Variants in ANKRD11 observed in about 807,000 individuals in gnomAD.
The protein encoded by ANKRD11 is ankyrin repeat domain 11.
A neutral mutation model predicts 195.7 loss-of-function variants in ANKRD11; 17 were observed. That is an observed-to-expected ratio of 0.09 (90% CI 0.06 to 0.13). The LOEUF (loss-of-function observed/expected upper bound fraction) is 0.13, where lower values mean the gene tolerates loss of function less well. ANKRD11 is among the 10% of genes least tolerant of loss of function. The pLI is 1.00. For missense variants in ANKRD11, 3,735 were observed against 3,566.1 expected (o/e 1.05, Z -1.21); for synonymous variants, 1,953 against 1,528.1 (o/e 1.28, Z -6.49).
intron 2 of ANKRD11, among the ~76,000 whole-genome samples, chr16:89,354,511 C>T (rs1341075417): frequency 6.6e-6 from 1 of 152,204 alleles, no homozygotes; most frequent in African/African-American, 2.4e-5. Context: ...GTGCCCAGCA[C>T]CTGCTCTTGA....
intron 2 of ANKRD11, among the ~76,000 whole-genome samples, chr16:89,346,848 C>T (rs2038963597): frequency 6.6e-6 from 1 of 152,158 alleles, no homozygotes; most frequent in Non-Finnish European, 1.5e-5. Flanking sequence ...AATGTACAAA[C>T]ATAAACGAAA....
intron 2 of ANKRD11, among the ~76,000 whole-genome samples, chr16:89,359,852 A>C (rs1216926038): frequency 6.6e-6 from 1 of 152,178 alleles, no homozygotes; most frequent in Non-Finnish European, 1.5e-5. Context: ...AACCCTAAGA[A>C]CAGAGAGTGC....
In ANKRD11 at chr16:89,291,069, C is replaced by T; in HGVS notation, c.341G>A (p.Arg114His). The T allele has an allele frequency of 1.2e-6, 2 of 1,613,438 alleles. No homozygotes were observed. Among genetic ancestry groups the T allele is most frequent in the Non-Finnish European group, 8.5e-7 (1 of 1,179,886 alleles). ...CTGCATGAGAAGGGCCACCTGCTGG[C>T]GCTCGGAGAGGGGGTAGCCGGCTCG... Reference protein sequence around the residue: ...GIRAGYPLSERQQVALLMQMT... With the variant: ...GIRAGYPLSEHQQVALLMQMT... Residue 114 changes from arginine to histidine, a missense_variant, in exon 5 of 13, where the codon CGC becomes CAC. Physicochemically the swap from Arg to His is conservative, Grantham distance 29. Transcript: ENST00000301030. The surrounding 1 kb of genome is among the most constrained non-coding windows in gnomAD (Gnocchi z 5.3).
chr16:89,268,691 G>T, intron 12 of ANKRD11, 28 bp from the exon 13 acceptor site: 1 of 1,565,932 alleles, frequency 6.4e-7, no homozygotes, highest in East Asian at 2.3e-5. Context: ...GGGAGAGGAG[G>T]GAGGAGGAGT....
intron 3 of ANKRD11, among the ~76,000 whole-genome samples, chr16:89,305,654 C>G: frequency 6.6e-6 from 1 of 150,964 alleles, no homozygotes; most frequent in East Asian, 1.9e-4. Context: ...TCTCACTCCG[C>G]AGACACGCGC....
intron 2 of ANKRD11, among the ~76,000 whole-genome samples, chr16:89,396,342 A>C (rs1278904280): frequency 6.6e-6 from 1 of 152,180 alleles, no homozygotes; most frequent in Non-Finnish European, 1.5e-5. Flanking sequence ...ATGTGGACAC[A>C]CAGGCACACT....
intron 3 of ANKRD11, among the ~76,000 whole-genome samples, chr16:89,312,188 G>T (rs748860453): frequency 5.9e-5 from 9 of 152,194 alleles, no homozygotes; most frequent in African/African-American, 2.2e-4. Context: ...GTGAGCCACC[G>T]CACCTGGCCA....
chr16:89,372,375 G>A (rs541737698), intron 2 of ANKRD11, among the ~76,000 whole-genome samples: 104 of 152,248 alleles, frequency 6.8e-4, no homozygotes, highest in Admixed American at 6.4e-3. Flanking sequence ...CCCGAGTCAC[G>A]GAGCCCCATG....
chr16:89,423,991 G>A (rs1254293182), intron 1 of ANKRD11, among the ~76,000 whole-genome samples: 1 of 152,066 alleles, frequency 6.6e-6, no homozygotes, highest in African/African-American at 2.4e-5. Context: ...GCGTACAACG[G>A]GATAATGAAA....
In ANKRD11 at chr16:89,334,362, T is replaced by G. The variant is rs368931964; in HGVS notation, c.-59-17284A>C. On this transcript the variant is annotated intron_variant, in intron 2 of 12. Coordinates refer to ENST00000301030, the MANE Select transcript of ANKRD11 (RefSeq NM_013275.6). ...GTGACATGTGAGGGTACCCCAAGAC[T>G]GAACAGAAACAACCTCCTCTCAGGT... is the stretch of plus-strand genomic sequence containing the variant. Among the ~76,000 whole-genome samples the G allele has an allele frequency of 3.9e-5, 6 of 151,948 alleles. No individual in the cohort carries two copies. In the East Asian group the frequency reaches 5.8e-4, roughly 15 times the overall value.
chr16:89,388,511 C>A (rs1482591493), intron 2 of ANKRD11, among the ~76,000 whole-genome samples: 1 of 151,826 alleles, frequency 6.6e-6, no homozygotes. Context: ...GTGGTGCTGT[C>A]GAACGCACAC....
rs1406731682 is a variant in ANKRD11, at chr16:89,281,846, C to T, written c.4696G>A (p.Ala1566Thr). The T allele has an allele frequency of 1.2e-6, 2 of 1,613,906 alleles. No individual in the cohort carries two copies. The highest frequency in any genetic ancestry group is 1.3e-5 in the African/African-American group (1 of 74,936). Reference sequence around the variant, plus strand: ...CCCAGGAGCTTCTCCCTGGGCCTGGCGTCTTTCTTGCCTGGGTCTTTGGAT... The same window carrying T: ...CCCAGGAGCTTCTCCCTGGGCCTGGTGTCTTTCTTGCCTGGGTCTTTGGAT... ...APSKDPGKKD[A>T]RPREKLLGDG... is the part of the protein sequence containing the mutation. The change falls in exon 9 of 13, where the codon GCC (alanine) becomes ACC (threonine). Residue 1566 changes from alanine to threonine, a missense_variant. By Grantham distance (58) the Ala-to-Thr change is moderately conservative. Coordinates refer to ENST00000301030, the MANE Select transcript of ANKRD11 (RefSeq NM_013275.6). The surrounding 1 kb of genome is among the most constrained non-coding windows in gnomAD (Gnocchi z 5.5).
chr16:89,271,064 T>C (rs1241370691), intron 11 of ANKRD11, 155 bp from the exon 12 acceptor site: 1 of 722,784 alleles, frequency 1.4e-6, no homozygotes, highest in Admixed American at 2.0e-5. Flanking sequence ...GTTCAAGGCA[T>C]GGCAGGCGCA....
chr16:89,415,840 A>AAAAAAAAAAAAAAAC, intron 2 of ANKRD11, among the ~76,000 whole-genome samples: 1 of 144,192 alleles, frequency 6.9e-6, no homozygotes, highest in African/African-American at 2.6e-5. Context: ...AAAAAAAAAA[A>AAAAAAAAAAAAAAAC]AAAAAAAAAA....
In ANKRD11 at chr16:89,329,519, G is replaced by A. The variant is rs1444154404; in HGVS notation, c.-59-12441C>T. ...TACGTTTCCCAAAACCCACTGAGCT[G>A]TAAATTTAAAATGAGTGAATTTTAT... On this transcript the variant is annotated intron_variant, in intron 2 of 12. Transcript: ENST00000301030. Among the ~76,000 whole-genome samples the A allele has an allele frequency of 2.0e-5, 3 of 152,132 alleles. No individual in the cohort carries two copies. In the East Asian group the frequency reaches 5.8e-4, roughly 29 times the overall value.
intron 2 of ANKRD11, among the ~76,000 whole-genome samples, chr16:89,396,595 A>C (rs1269406701): frequency 1.3e-5 from 2 of 152,192 alleles, no homozygotes; most frequent in African/African-American, 4.8e-5. Flanking sequence ...TGATGCAGGA[A>C]CAGCGAGGAG....
chr16:89,337,471 C>T (rs1267390098), intron 2 of ANKRD11, among the ~76,000 whole-genome samples: 1 of 107,194 alleles, frequency 9.3e-6, no homozygotes, highest in African/African-American at 3.4e-5. Flanking sequence ...CAGTCTCCCT[C>T]TGTCGCCCAG....
chr16:89,429,074 T>A (rs550522631), intron 1 of ANKRD11, among the ~76,000 whole-genome samples: 47 of 152,242 alleles, frequency 3.1e-4, no homozygotes, highest in African/African-American at 1.1e-3. Context: ...AACAGCAACG[T>A]CCCTGCAGCG....
intron 12 of ANKRD11, among the ~76,000 whole-genome samples, chr16:89,269,224 T>C (rs1465103027): frequency 1.3e-5 from 2 of 152,096 alleles, no homozygotes; most frequent in Admixed American, 1.3e-4. Flanking sequence ...GGTGCAATCA[T>C]GACTCACTGC....
Sources: allele counts gnomAD v4.1 joint callset (sites outside exome capture counted in the v4.1 genomes callset), GRCh38; gene constraint gnomAD v4.1.1; non-coding constraint Gnocchi (gnomAD v3.1); transcripts MANE v1.5; gene names NCBI Gene and HGNC (gene_info 2026-07-23, HGNC 2026-07-21).